TENM1: variants seen among roughly 807,000 people sequenced by gnomAD.
The protein encoded by TENM1 is teneurin-1.
A neutral mutation model predicts 174.8 loss-of-function variants in TENM1; 35 were observed. The observed-to-expected ratio is 0.20, with a 90% confidence interval of 0.15 to 0.27. The LOEUF is 0.27. Among genes scored for constraint, TENM1 ranks in the 10% least tolerant of loss-of-function variants. The pLI is 1.00. For synonymous variants in TENM1, 781 were observed against 798.7 expected, an observed-to-expected ratio of 0.98 and a Z score of 0.37; for missense variants, 1,633 against 2,130.1, an observed-to-expected ratio of 0.77 and a Z score of 4.59.
At chrX:125,001,925 T>TCACACACACACACACACA in the TENM1 span, among the ~76,000 whole-genome samples, 1 of 67,271 alleles carries the variant, frequency 1.5e-5, no homozygotes, top group African/African-American at 5.4e-5. Context: ...TCTAGAGAGA[T>TCACACACACACACACACA]CACACACACA....
chrX:124,618,354 A>C (rs1338183725), intron 11 of TENM1, among the ~76,000 whole-genome samples: 1 of 112,105 alleles, frequency 8.9e-6, no homozygotes, highest in African/African-American at 3.2e-5. Context: ...GCTTTATAAC[A>C]CATTGTGACA....
the TENM1 span, among the ~76,000 whole-genome samples, chrX:125,102,636 T>C: frequency 8.9e-6 from 1 of 112,202 alleles, no homozygotes; most frequent in South Asian, 3.7e-4. Flanking sequence ...AAGCCAATTG[T>C]CTTCATTGGA....
At chrX:125,133,755 A>G in the TENM1 span, among the ~76,000 whole-genome samples, 1 of 111,840 alleles carries the variant, frequency 8.9e-6, no homozygotes, top group African/African-American at 3.3e-5. Flanking sequence ...GAAGTCCTGT[A>G]ACTAAGAGAA....
intron 11 of TENM1, among the ~76,000 whole-genome samples, chrX:124,589,968 T>C (rs569399653): frequency 9.0e-6 from 1 of 111,577 alleles, no homozygotes; most frequent in East Asian, 2.8e-4. Flanking sequence ...TGGGGCTAGT[T>C]TGTTCTTGTT....
At chrX:124,759,328 A>C (rs1399332042) in intron 3 of TENM1, among the ~76,000 whole-genome samples, 1 of 111,553 alleles carries the variant, frequency 9.0e-6, no homozygotes, top group Non-Finnish European at 1.9e-5. Flanking sequence ...TTTTTAAAAA[A>C]AAAATTATTT....
At chrX:125,098,914 C>T in the TENM1 span, among the ~76,000 whole-genome samples, 1 of 112,128 alleles carries the variant, frequency 8.9e-6, no homozygotes, top group Admixed American at 9.5e-5. Context: ...TACAAAATGG[C>T]TAATTAGCCC....
At chrX:124,887,634 A>T (rs2057411749) in intron 3 of TENM1, among the ~76,000 whole-genome samples, 1 of 111,656 alleles carries the variant, frequency 9.0e-6, no homozygotes, top group Non-Finnish European at 1.9e-5. Context: ...AGTATCATCA[A>T]AGTGGTTTTT....
chrX:124,983,784 C>G, the TENM1 span, among the ~76,000 whole-genome samples: 1 of 110,403 alleles, frequency 9.1e-6, no homozygotes, highest in African/African-American at 3.3e-5. Context: ...CCATGCCCAG[C>G]TAATTTTTTG....
chrX:124,950,106 T>C (rs1359176001), intron 1 of TENM1, among the ~76,000 whole-genome samples: 4 of 110,994 alleles, frequency 3.6e-5, no homozygotes, highest in African/African-American at 1.3e-4. Flanking sequence ...GCCCAAGGCT[T>C]CATTTATTCA....
At chrX:125,033,966 G>A in the TENM1 span, among the ~76,000 whole-genome samples, 3 of 111,397 alleles carry the variant, frequency 2.7e-5, no homozygotes, top group Non-Finnish European at 5.7e-5. Context: ...TGTCTATTTT[G>A]CCTTTCTTCT....
intron 15 of TENM1, among the ~76,000 whole-genome samples, chrX:124,542,461 C>T (rs1461682314): frequency 1.9e-5 from 2 of 106,865 alleles, no homozygotes; most frequent in Non-Finnish European, 3.9e-5. Flanking sequence ...CTATTATGTG[C>T]CTAGTGCTGT....
intron 18 of TENM1, among the ~76,000 whole-genome samples, chrX:124,519,505 C>G (rs901237709): frequency 6.3e-5 from 7 of 110,613 alleles, no homozygotes. Flanking sequence ...CTAGACACTT[C>G]CAAGGGAGGA....
At chrX:124,535,615 C>T (rs185424750) in intron 15 of TENM1, among the ~76,000 whole-genome samples, 1 of 111,774 alleles carries the variant, frequency 8.9e-6, no homozygotes, top group Non-Finnish European at 1.9e-5. Context: ...TCTTATTATA[C>T]AATGCTCATA....
At chrX:124,851,975 A>G (rs1333460164) in intron 3 of TENM1, among the ~76,000 whole-genome samples, 1 of 111,288 alleles carries the variant, frequency 9.0e-6, no homozygotes, top group Non-Finnish European at 1.9e-5. Flanking sequence ...TGTGAGATTT[A>G]GAGATCTACA....
the TENM1 span, among the ~76,000 whole-genome samples, chrX:125,189,809 T>C: frequency 8.9e-6 from 1 of 112,447 alleles, no homozygotes; most frequent in Non-Finnish European, 1.9e-5. Context: ...CATACATGTG[T>C]ATGGATAGAT....
At position 124,471,250 on chromosome X, in the gene TENM1, A is replaced by ATATATAGTAC. The variant is rs1569533428; in HGVS notation, c.3949+10481_3949+10482insGTACTATATA. 7.9e-4 allele frequency among the ~76,000 whole-genome samples: 34 copies of ATATATAGTAC among 43,143 alleles called. 3 individuals carry two copies. The highest frequency in any genetic ancestry group is 3.3e-3 in the African/African-American group (29 of 8,703). The allele number at this position is 43,143 out of a possible 115,157, so 37.5% of individuals were successfully genotyped here. A position where few individuals can be genotyped will look rare whatever the true frequency, so the allele number is the denominator to read the frequency against. On this transcript the variant is annotated intron_variant, in intron 22 of 31. Transcript: ENST00000422452. The stretch of plus-strand genomic sequence containing the variant: ...ATAGTACTATATATAATATATAATA[A>ATATATAGTAC]TATATATTATAATATATAGTACTAT...
At position 124,525,358 on chromosome X, in the gene TENM1, C is replaced by T. The variant is rs7054328; in HGVS notation, c.2772-1733G>A. Among the ~76,000 whole-genome samples, 876 of 112,155 alleles carry T rather than the reference C, an allele frequency of 7.8e-3. 13 individuals carry two copies. The highest frequency in any genetic ancestry group is 0.027 in the African/African-American group (821 of 30,944). On this transcript the variant is annotated intron_variant, in intron 16 of 31. Coordinates refer to ENST00000422452, the Ensembl canonical transcript of TENM1. ...CAGAGGGTCTGAATTCATAATACTA[C>T]AGGAACAGTTTAAGGCAAGTGTAGT...
the TENM1 span, among the ~76,000 whole-genome samples, chrX:125,014,727 A>C: frequency 9.0e-6 from 1 of 111,321 alleles, no homozygotes; most frequent in African/African-American, 3.3e-5. Context: ...CCTTATTCTC[A>C]AGAGATGGAT....
chrX:124,695,984 T>C (rs1219701863), intron 5 of TENM1, among the ~76,000 whole-genome samples: 1 of 111,787 alleles, frequency 8.9e-6, no homozygotes, highest in East Asian at 2.8e-4. Context: ...CCAAAGATAC[T>C]AATGGTTTGT....
Sources: gnomAD v4.1 joint callset for allele counts (sites outside exome capture counted in the v4.1 genomes callset) on GRCh38, gnomAD v4.1.1 for gene constraint, MANE v1.5 for transcripts, NCBI Gene and HGNC (gene_info 2026-07-23, HGNC 2026-07-21) for gene names.